The following LYPD6 variants were observed in gnomAD, a reference collection of about 807,000 sequenced individuals.
LYPD6 encodes ly6/PLAUR domain-containing protein 6.
Under a neutral mutation model 22.7 loss-of-function variants are expected in LYPD6, and 15 were observed. The ratio of observed to expected loss-of-function variants is 0.66; its 90% confidence interval spans 0.44 to 1.02. LYPD6 has a LOEUF of 1.02. Among genes scored for constraint, LYPD6 ranks in the 50% least tolerant of loss-of-function variants. The probability of loss-of-function intolerance (pLI) is 0.00; values close to 1 mark genes in which losing one functional copy is unlikely to be tolerated. For missense variants in LYPD6, 189 were observed against 208.4 expected, an observed-to-expected ratio of 0.91 and a Z score of 0.57; for synonymous variants, 72 against 77.5, an observed-to-expected ratio of 0.93 and a Z score of 0.37.
rs1558807831 is a variant in LYPD6 at position 149,437,697 on chromosome 2, C to T, written c.-12C>T. 2 of 1,614,008 alleles carry T rather than the reference C, an allele frequency of 1.2e-6. No homozygotes were observed. Among genetic ancestry groups the T allele is most frequent in the Non-Finnish European group, 8.5e-7 (1 of 1,179,994 alleles). On this transcript the variant is annotated 5_prime_UTR_variant, in exon 2 of 5. Coordinates refer to ENST00000334166, the MANE Select transcript of LYPD6 (RefSeq NM_194317.5). ...TCCCAGGCCCTCTGTATGAGTGACA[C>T]TTCAGTCTGCCATGGAACCTGGCCC...
At chr2:149,411,242 A>G (rs1181925717) in intron 1 of LYPD6, among the ~76,000 whole-genome samples, 2 of 152,178 alleles carry the variant, frequency 1.3e-5, no homozygotes, top group Non-Finnish European at 2.9e-5. Flanking sequence ...CCGTAAAATC[A>G]AGATGTTTTC....
chr2:149,454,683 A>G (rs1680910565), intron 3 of LYPD6, among the ~76,000 whole-genome samples: 1 of 152,110 alleles, frequency 6.6e-6, no homozygotes, highest in African/African-American at 2.4e-5. Flanking sequence ...AAATGATGGT[A>G]CCACTTACAA....
At chr2:149,411,940 CT>C (rs56741012) in intron 1 of LYPD6, among the ~76,000 whole-genome samples, 2 of 152,206 alleles carry the variant, frequency 1.3e-5, no homozygotes, top group African/African-American at 4.8e-5. Flanking sequence ...TTGTTTGCAT[CT>C]TTTTTTCTCG....
chr2:149,430,568 A>G (rs541102873), intron 1 of LYPD6, among the ~76,000 whole-genome samples: 8 of 152,318 alleles, frequency 5.3e-5, no homozygotes, highest in African/African-American at 1.9e-4. Context: ...AGATACCACC[A>G]TATTAAAAAT....
intron 3 of LYPD6, among the ~76,000 whole-genome samples, chr2:149,466,790 C>T (rs1394157854): frequency 6.6e-6 from 1 of 152,118 alleles, no homozygotes; most frequent in Admixed American, 6.6e-5. Flanking sequence ...ATGATCTTAT[C>T]TGCTCGGATT....
At chr2:149,408,508 A>C (rs1461371213) in intron 1 of LYPD6, among the ~76,000 whole-genome samples, 1 of 152,064 alleles carries the variant, frequency 6.6e-6, no homozygotes, top group Non-Finnish European at 1.5e-5. Context: ...ATATTTTCCA[A>C]ACTTTTAGAC....
At chr2:149,390,923 C>T (rs902526841) in intron 1 of LYPD6, among the ~76,000 whole-genome samples, 1 of 152,142 alleles carries the variant, frequency 6.6e-6, no homozygotes, top group South Asian at 2.1e-4. Flanking sequence ...TAAATATTTC[C>T]TCTAACACTT....
At chr2:149,348,061 C>CAAAAAAAAAAAAAAAAA (rs58228847) in intron 1 of LYPD6, among the ~76,000 whole-genome samples, 1 of 76,718 alleles carries the variant, frequency 1.3e-5, no homozygotes, top group Non-Finnish European at 2.6e-5. Flanking sequence ...ACTAAAAATA[C>CAAAAAAAAAAAAAAAAA]AAAAAAAAAA....
chr2:149,408,360 TTAGG>T (rs1284842783), intron 1 of LYPD6, among the ~76,000 whole-genome samples: 1 of 152,216 alleles, frequency 6.6e-6, no homozygotes, highest in African/African-American at 2.4e-5. Context: ...CGTCTTGACT[TTAGG>T]TAAGCTGAGG....
intron 1 of LYPD6, among the ~76,000 whole-genome samples, chr2:149,336,770 G>T (rs1681042300): frequency 6.6e-6 from 1 of 152,132 alleles, no homozygotes; most frequent in Non-Finnish European, 1.5e-5. Context: ...ATGAAAATAA[G>T]ATTTAGTATT....
Position 149,466,565 on chromosome 2 carries a change from C to T in LYPD6, c.218-2080C>T, listed in dbSNP as rs1381203856. Among the ~76,000 whole-genome samples, 4 of 152,266 alleles carry T rather than the reference C, an allele frequency of 2.6e-5. No individual in the cohort carries two copies. The East Asian group carries it at 7.7e-4, about 29-fold the overall frequency. On this transcript the variant is annotated intron_variant, in intron 3 of 4. Transcript: ENST00000334166. ...TGTGTTCCTGAAAAATTATTTTTATCAGTTGTTGCGTCTACTGTCATTCAA... is the reference window on the plus strand; with the variant it reads ...TGTGTTCCTGAAAAATTATTTTTATTAGTTGTTGCGTCTACTGTCATTCAA...
At chr2:149,461,858 A>G (rs931208521) in intron 3 of LYPD6, among the ~76,000 whole-genome samples, 2 of 152,004 alleles carry the variant, frequency 1.3e-5, no homozygotes, top group African/African-American at 2.4e-5. Flanking sequence ...ACCATTTATG[A>G]TTAAAACCTC....
At chr2:149,462,534 A>ATT (rs1352987811) in intron 3 of LYPD6, among the ~76,000 whole-genome samples, 1 of 146,356 alleles carries the variant, frequency 6.8e-6, no homozygotes, top group Admixed American at 6.9e-5. Flanking sequence ...TCCCAGGAAG[A>ATT]TTTTTTTTTT....
At chr2:149,410,941 C>G (rs1301185456) in intron 1 of LYPD6, among the ~76,000 whole-genome samples, 1 of 152,146 alleles carries the variant, frequency 6.6e-6, no homozygotes, top group Non-Finnish European at 1.5e-5. Context: ...AATGCTTTCA[C>G]CATGTTACAT....
At chr2:149,476,218 T>C (rs1254090792), downstream of LYPD6, among the ~76,000 whole-genome samples, 1 of 152,142 alleles carries the variant, frequency 6.6e-6, no homozygotes, top group East Asian at 1.9e-4. Context: ...ACTGTGGGAT[T>C]GGCAGTCTTA....
chr2:149,385,936 T>G (rs2105092783), intron 1 of LYPD6, among the ~76,000 whole-genome samples: 1 of 152,244 alleles, frequency 6.6e-6, no homozygotes, highest in Non-Finnish European at 1.5e-5. Flanking sequence ...AGCACTTGGG[T>G]CTGGAACACT....
At chr2:149,461,590 CA>C (rs1220375199) in intron 3 of LYPD6, among the ~76,000 whole-genome samples, 3 of 151,886 alleles carry the variant, frequency 2.0e-5, no homozygotes, top group African/African-American at 4.8e-5. Context: ...ACCAAACAAA[CA>C]AACAAACAAA....
chr2:149,383,618 G>C (rs1216101498), intron 1 of LYPD6, among the ~76,000 whole-genome samples: 1 of 152,122 alleles, frequency 6.6e-6, no homozygotes, highest in African/African-American at 2.4e-5. Context: ...GAGTCATTAT[G>C]GGTCAAAGCC....
intron 1 of LYPD6, among the ~76,000 whole-genome samples, chr2:149,370,890 T>C (rs552046562): frequency 1.3e-5 from 2 of 152,248 alleles, no homozygotes; most frequent in South Asian, 2.1e-4. Context: ...AGCCTAGGAC[T>C]TCGAAGTTAC....
Sources: allele counts gnomAD v4.1 joint callset (sites outside exome capture counted in the v4.1 genomes callset), GRCh38; gene constraint gnomAD v4.1.1; transcripts MANE v1.5; gene names NCBI Gene and HGNC (gene_info 2026-07-23, HGNC 2026-07-21).